RALGPS1: variants seen among roughly 807,000 people sequenced by gnomAD.
RALGPS1 encodes the protein ras-specific guanine nucleotide-releasing factor RalGPS1.
Under a neutral mutation model 78.8 loss-of-function variants are expected in RALGPS1, and 19 were observed. The observed-to-expected ratio is 0.24, with a 90% CI of 0.17 to 0.35. The LOEUF (loss-of-function observed/expected upper bound fraction) is 0.35, where lower values mean the gene tolerates loss of function less well. Ranked by LOEUF, RALGPS1 falls within the 10% of genes least tolerant of loss-of-function variation. The probability of loss-of-function intolerance (pLI) is 1.00; values close to 1 mark genes in which losing one functional copy is unlikely to be tolerated. For missense variants in RALGPS1, 454 were observed against 688.3 expected, an observed-to-expected ratio of 0.66 and a Z score of 3.81; for synonymous variants, 228 against 256.3, an observed-to-expected ratio of 0.89 and a Z score of 1.06.
intron 4 of RALGPS1, among the ~76,000 whole-genome samples, chr9:127,002,433 C>CTTTTT (rs11380006): frequency 1.9e-4 from 22 of 117,378 alleles, no homozygotes; most frequent in African/African-American, 2.6e-4. Context: ...CACAAACATT[C>CTTTTT]TTTTTTTTTT....
intron 8 of RALGPS1, among the ~76,000 whole-genome samples, chr9:127,113,168 C>T (rs1163139650): frequency 1.3e-5 from 2 of 152,096 alleles, no homozygotes; most frequent in Non-Finnish European, 1.5e-5. Flanking sequence ...CCAGGTAATC[C>T]GGTGGGTTGT....
rs2060004947 is a variant in RALGPS1, at chr9:127,178,338, G to T, written c.910+3556G>T. On this transcript the variant is annotated intron_variant, in intron 11 of 18. Coordinates refer to ENST00000259351, the MANE Select transcript of RALGPS1 (RefSeq NM_014636.3). ...GTGGCAAGTGGGCAGGGCAAAAAAT[G>T]CAGCTGAATTGTGTGAACAGACTAC... 7.2e-6 allele frequency: 4 copies of T among 551,806 alleles called. No homozygotes were observed. The African/African-American group carries it at 7.9e-5, about 11-fold the overall frequency. 34.2% of individuals were successfully genotyped at this position (551,806 alleles called of 1,614,324 possible).
intron 8 of RALGPS1, among the ~76,000 whole-genome samples, chr9:127,139,905 G>C (rs1475446353): frequency 2.0e-5 from 3 of 152,218 alleles, no homozygotes; most frequent in Admixed American, 1.3e-4. Context: ...TCTAATGCTT[G>C]TTAAGAATAG....
intron 4 of RALGPS1, among the ~76,000 whole-genome samples, chr9:127,018,679 T>TA: frequency 6.8e-6 from 1 of 147,908 alleles, no homozygotes; most frequent in East Asian, 2.0e-4. Context: ...ATAATAATAA[T>TA]AACGATGAAA....
intron 5 of RALGPS1, among the ~76,000 whole-genome samples, chr9:127,047,167 C>G (rs2135229959): frequency 6.6e-6 from 1 of 152,134 alleles, no homozygotes; most frequent in Non-Finnish European, 1.5e-5. Flanking sequence ...ATCTGAGGAC[C>G]TTAATAAAAA....
intron 4 of RALGPS1, among the ~76,000 whole-genome samples, chr9:126,996,902 C>T (rs1329496552): frequency 3.3e-5 from 5 of 152,318 alleles, no homozygotes; most frequent in Non-Finnish European, 5.9e-5. Flanking sequence ...AAATGTAATC[C>T]AGCATATAAA....
intron 8 of RALGPS1, among the ~76,000 whole-genome samples, chr9:127,074,926 A>G (rs774074892): frequency 2.0e-5 from 3 of 152,208 alleles, no homozygotes; most frequent in Non-Finnish European, 4.4e-5. Flanking sequence ...GGTGGCCCCC[A>G]TCAGGCACTG....
intron 11 of RALGPS1, chr9:127,178,427 C>T (rs950884335): frequency 1.9e-6 from 2 of 1,052,310 alleles, no homozygotes; most frequent in African/African-American, 3.3e-5. Context: ...TCCTCCTTCA[C>T]AGGGTAGTGT....
intron 4 of RALGPS1, among the ~76,000 whole-genome samples, chr9:127,017,948 G>T (rs1240162565): frequency 8.6e-5 from 13 of 152,038 alleles, no homozygotes; most frequent in Non-Finnish European, 2.9e-5. Flanking sequence ...CGGGCGCTGT[G>T]GCTCACACCT....
chr9:127,089,045 C>T (rs748835465), intron 8 of RALGPS1: 5 of 1,614,216 alleles, frequency 3.1e-6, no homozygotes, highest in Non-Finnish European at 4.2e-6. Flanking sequence ...GTAGCGGCTC[C>T]GGTAATGGCC....
chr9:126,947,485 A>G (rs1177213529), intron 1 of RALGPS1, among the ~76,000 whole-genome samples: 2 of 152,188 alleles, frequency 1.3e-5, no homozygotes, highest in African/African-American at 2.4e-5. Context: ...CCAAAATCCA[A>G]AAAATCAGAA....
chr9:127,179,947 C>G (rs73597287), intron 11 of RALGPS1, among the ~76,000 whole-genome samples: 2,546 of 152,270 alleles, frequency 0.017, 82 homozygotes, highest in African/African-American at 0.058. Flanking sequence ...CTGTTGCCCA[C>G]AGAGAGCTGG....
intron 8 of RALGPS1, among the ~76,000 whole-genome samples, chr9:127,110,714 C>T (rs187832416): frequency 2.0e-5 from 3 of 152,156 alleles, no homozygotes; most frequent in Admixed American, 6.5e-5. Flanking sequence ...TTGCTCAGGC[C>T]GAAAGTCTTG....
intron 3 of RALGPS1, among the ~76,000 whole-genome samples, chr9:126,968,885 C>T (rs2039803006): frequency 6.6e-6 from 1 of 152,102 alleles, no homozygotes; most frequent in African/African-American, 2.4e-5. Flanking sequence ...CAGGTCTCTA[C>T]TAAAAATACA....
At chr9:126,952,049 G>T (rs1306648035) in intron 1 of RALGPS1, among the ~76,000 whole-genome samples, 3 of 152,234 alleles carry the variant, frequency 2.0e-5, no homozygotes, top group Non-Finnish European at 1.5e-5. Context: ...TAAATCATGA[G>T]TGAACTCCCA....
chr9:126,972,486 A>G (rs1237232470), intron 3 of RALGPS1, among the ~76,000 whole-genome samples: 1 of 152,260 alleles, frequency 6.6e-6, no homozygotes, highest in Non-Finnish European at 1.5e-5. Context: ...GTGAATGAAA[A>G]TATCTAAGCA....
intron 4 of RALGPS1, among the ~76,000 whole-genome samples, chr9:127,020,687 C>G (rs1281916634): frequency 1.3e-5 from 2 of 152,192 alleles, no homozygotes; most frequent in Non-Finnish European, 2.9e-5. Flanking sequence ...AGTATGAGCT[C>G]AGTTGAGAGC....
At chr9:127,152,572 A>C (rs966795926) in intron 8 of RALGPS1, among the ~76,000 whole-genome samples, 7 of 152,210 alleles carry the variant, frequency 4.6e-5, no homozygotes, top group Admixed American at 3.9e-4. Flanking sequence ...TCTTGGGAAA[A>C]GCCCCAGGAG....
chr9:126,960,184 C>CTCCT (rs1287989586), intron 1 of RALGPS1, among the ~76,000 whole-genome samples: 2 of 91,594 alleles, frequency 2.2e-5, no homozygotes, highest in East Asian at 6.4e-4. Context: ...CCCTCCCTCC[C>CTCCT]TCCCTCCCTT....
Sources: gnomAD v4.1 joint callset for allele counts (sites outside exome capture counted in the v4.1 genomes callset) on GRCh38, gnomAD v4.1.1 for gene constraint, MANE v1.5 for transcripts, NCBI Gene and HGNC (gene_info 2026-07-23, HGNC 2026-07-21) for gene names.